Variants in CACNA1D observed in about 807,000 individuals in gnomAD.
CACNA1D encodes calcium voltage-gated channel subunit alpha1 D.
CACNA1D carries 55 observed loss-of-function variants against 257.1 expected under a neutral mutation model. The observed-to-expected ratio is 0.21, with a 90% CI of 0.17 to 0.27. The LOEUF (loss-of-function observed/expected upper bound fraction) is 0.27, where lower values mean the gene tolerates loss of function less well. Among genes scored for constraint, CACNA1D ranks in the 10% least tolerant of loss-of-function variants. CACNA1D has a pLI of 1.00. For missense variants in CACNA1D, 1,876 were observed against 2,784.0 expected (o/e 0.67, Z 7.34); for synonymous variants, 980 against 1,014.9 (o/e 0.97, Z 0.65).
In CACNA1D at chr3:53,775,875, A is replaced by G. The variant is rs771255538; in HGVS notation, c.4203-11A>G. ...CCCCACTAAAGCCCCTTTGTTCTTC[A>G]TCTGAAAAAGGTGTGCAACAGGTGA... On this transcript the variant is annotated splice_polypyrimidine_tract_variant and intron_variant, in intron 34 of 47. Transcript: ENST00000350061. 6.2e-7 allele frequency: 1 copy of G among 1,613,880 alleles called. No individual in the cohort carries two copies. The highest frequency in any genetic ancestry group is 1.1e-5 in the South Asian group (1 of 91,074).
rs766460754 is a variant in CACNA1D at position 53,730,574 on chromosome 3, T to A, written c.2336+18T>A. The A allele has an allele frequency of 6.4e-7, 1 of 1,564,732 alleles. No individual in the cohort carries two copies. The highest frequency in any genetic ancestry group is 1.7e-5 in the Admixed American group (1 of 59,868). On this transcript the variant is annotated intron_variant, in intron 16 of 47. Coordinates refer to ENST00000350061, the MANE Select transcript of CACNA1D (RefSeq NM_001128840.3). ...ATTGCCAGGTAACCCTATTTTCCCC[T>A]GACGTGTTTGTCCAGGGGCTGTGTT...
intron 8 of CACNA1D, among the ~76,000 whole-genome samples, chr3:53,698,305 C>T (rs1211858613): frequency 6.6e-6 from 1 of 152,226 alleles, no homozygotes; most frequent in Non-Finnish European, 1.5e-5. Context: ...CATGTACTCA[C>T]TGGCTAAATC....
At chr3:53,630,392 A>T (rs980487882) in intron 3 of CACNA1D, among the ~76,000 whole-genome samples, 2 of 152,222 alleles carry the variant, frequency 1.3e-5, no homozygotes, top group South Asian at 4.1e-4. Context: ...AACATGTAAC[A>T]TTGCTTATCC....
chr3:53,614,110 A>G (rs2093611290), intron 3 of CACNA1D, among the ~76,000 whole-genome samples: 1 of 134,586 alleles, frequency 7.4e-6, no homozygotes, highest in Admixed American at 7.7e-5. Context: ...TAGGCAACAT[A>G]GTGAAGCCCC....
chr3:53,684,492 G>A (rs1576343675), intron 8 of CACNA1D, among the ~76,000 whole-genome samples: 2 of 151,904 alleles, frequency 1.3e-5, no homozygotes, highest in Admixed American at 6.6e-5. Flanking sequence ...GAGTGGTGGC[G>A]CATGCCTGTG....
chr3:53,673,619 C>CT lies in CACNA1D; in HGVS notation c.1220+495dup, dbSNP rs2094346602. The stretch of plus-strand genomic sequence containing the variant: ...CAGTCCCTGTCCTAGGAGCACTAAC[C>CT]TTCAGCAAAGCACTGAGAGGTTTGG... On this transcript the variant is annotated intron_variant, in intron 8 of 47. Transcript: ENST00000350061. The surrounding 1 kb of genome is among the most constrained non-coding windows in gnomAD (Gnocchi z 4.1). 2 of 934,312 alleles carry CT rather than the reference C, an allele frequency of 2.1e-6. No homozygotes were observed. Among genetic ancestry groups the CT allele is most frequent in the Non-Finnish European group, 3.6e-6 (2 of 562,568 alleles). 57.9% of individuals were successfully genotyped at this position (934,312 alleles called of 1,614,324 possible).
chr3:53,665,870 C>G, intron 6 of CACNA1D, 58 bp downstream of exon 6: 3 of 1,386,272 alleles, frequency 2.2e-6, no homozygotes, highest in Middle Eastern at 1.8e-4. Flanking sequence ...TTCCCCAAAG[C>G]AACTTTCATG....
At chr3:53,599,009 T>C (rs1431076383) in intron 3 of CACNA1D, among the ~76,000 whole-genome samples, 1 of 28,948 alleles carries the variant, frequency 3.5e-5, no homozygotes, top group Non-Finnish European at 5.8e-5. Context: ...ATGTTATTGG[T>C]GTGCCTTTTT....
chr3:53,804,633 T>G (rs966499316), intron 44 of CACNA1D, among the ~76,000 whole-genome samples: 6 of 152,224 alleles, frequency 3.9e-5, no homozygotes, highest in Non-Finnish European at 5.9e-5. Context: ...TCATGCATCT[T>G]GGTGTCCTTG....
At chr3:53,730,649 C>A in intron 16 of CACNA1D, 93 bp downstream of exon 16, 1 of 927,454 alleles carries the variant, frequency 1.1e-6, no homozygotes, top group South Asian at 1.4e-5. Flanking sequence ...CGCATCACGG[C>A]AGCTGCAGCC....
At chr3:53,616,980 T>G (rs1282161994) in intron 3 of CACNA1D, among the ~76,000 whole-genome samples, 2 of 152,142 alleles carry the variant, frequency 1.3e-5, no homozygotes, top group Admixed American at 1.3e-4. Flanking sequence ...GTTTGACTTA[T>G]GCCTCTTGAA....
intron 3 of CACNA1D, among the ~76,000 whole-genome samples, chr3:53,609,990 A>G (rs2093563070): frequency 6.6e-6 from 1 of 151,984 alleles, no homozygotes; most frequent in Non-Finnish European, 1.5e-5. Flanking sequence ...ATCTTCTTTG[A>G]CCCTTGGATT....
chr3:53,666,293 T>C, intron 6 of CACNA1D, 46 bp from the exon 7 acceptor site: 1 of 1,577,116 alleles, frequency 6.3e-7, no homozygotes, highest in Non-Finnish European at 8.7e-7. Flanking sequence ...TTGGATTTCC[T>C]GATGTTTCTG....
At chr3:53,692,815 TGG>T (rs1284700768) in intron 8 of CACNA1D, among the ~76,000 whole-genome samples, 2 of 152,234 alleles carry the variant, frequency 1.3e-5, no homozygotes, top group African/African-American at 4.8e-5. Flanking sequence ...CCCAGCACTA[TGG>T]GAGGCTGAGG....
chr3:53,812,039 A>C lies in CACNA1D; in HGVS notation c.*633A>C, dbSNP rs2095602891. The stretch of plus-strand genomic sequence containing the variant: ...ATGTGACGCCAGTTTACATAAGAGA[A>C]TATCACTCCGATGGTCGGTTTCTGA... On this transcript the variant is annotated 3_prime_UTR_variant, in exon 48 of 48. Coordinates refer to ENST00000350061, the MANE Select transcript of CACNA1D (RefSeq NM_001128840.3). 1 of 152,448 alleles carries C rather than the reference A, an allele frequency of 6.6e-6. No individual in the cohort carries two copies. The highest frequency in any genetic ancestry group is 2.4e-5 in the African/African-American group (1 of 41,454). The allele number at this position is 152,448 out of a possible 1,614,324, so 9.4% of individuals were successfully genotyped here.
chr3:53,696,465 A>C (rs1352981093), intron 8 of CACNA1D, among the ~76,000 whole-genome samples: 1 of 152,212 alleles, frequency 6.6e-6, no homozygotes, highest in African/African-American at 2.4e-5. Context: ...GTCACTCACC[A>C]GCGGGGATGG....
intron 28 of CACNA1D, among the ~76,000 whole-genome samples, chr3:53,752,714 T>TC (rs1486683451): frequency 6.6e-6 from 1 of 152,196 alleles, no homozygotes; most frequent in Non-Finnish European, 1.5e-5. Flanking sequence ...GACACTTTGA[T>TC]CTGGGCCTGT....
intron 8 of CACNA1D, among the ~76,000 whole-genome samples, chr3:53,674,695 A>G (rs1431890180): frequency 1.3e-5 from 2 of 152,194 alleles, no homozygotes; most frequent in African/African-American, 4.8e-5. Context: ...GTGGGGTGCT[A>G]CAGAGAAGGG....
At position 53,732,712 on chromosome 3, in the gene CACNA1D, A is replaced by T. The variant is rs527873071; in HGVS notation, c.2474-103A>T. On this transcript the variant is annotated intron_variant, in intron 18 of 47. Transcript: ENST00000350061. ...GGTTTTGATTCATGTAAGCAGGTAG[A>T]TGTTGTTAAAGTTTAAGCCAAATTT... The T allele has an allele frequency of 2.7e-5, 27 of 1,005,900 alleles. No homozygotes were observed. The East Asian group carries it at 6.2e-4, about 23-fold the overall frequency. 62.3% of individuals were successfully genotyped at this position (1,005,900 alleles called of 1,614,324 possible). A position where few individuals can be genotyped will look rare whatever the true frequency, so the allele number is the denominator to read the frequency against.
Sources: gnomAD v4.1 joint callset for allele counts (sites outside exome capture counted in the v4.1 genomes callset) on GRCh38, gnomAD v4.1.1 for gene constraint, Gnocchi (gnomAD v3.1) non-coding constraint, MANE v1.5 for transcripts, NCBI Gene and HGNC (gene_info 2026-07-23, HGNC 2026-07-21) for gene names.